PTPRO: variants seen among roughly 807,000 people sequenced by gnomAD.
PTPRO encodes receptor-type tyrosine-protein phosphatase O.
Under a neutral mutation model 145.2 loss-of-function variants are expected in PTPRO, and 62 were observed. The observed-to-expected ratio is 0.43, with a 90% CI of 0.35 to 0.53. The LOEUF is 0.53. Among genes scored for constraint, PTPRO ranks in the 20% least tolerant of loss-of-function variants. PTPRO has a pLI of 0.01. For missense variants in PTPRO, 1,345 were observed against 1,482.7 expected (o/e 0.91, Z 1.53); for synonymous variants, 565 against 514.7 (o/e 1.10, Z -1.32).
intron 11 of PTPRO, among the ~76,000 whole-genome samples, chr12:15,525,767 A>G (rs915197389): frequency 3.9e-5 from 6 of 152,216 alleles, no homozygotes; most frequent in African/African-American, 1.4e-4. Context: ...GTAGGAAGCC[A>G]CACGTCTACA....
rs751345733 is a variant in PTPRO at position 15,580,123 on chromosome 12, GA to G, written c.2997+18del. On this transcript the variant is annotated intron_variant, in intron 21 of 26. Coordinates refer to ENST00000281171, the MANE Select transcript of PTPRO (RefSeq NM_030667.3). The stretch of plus-strand genomic sequence containing the variant: ...AATGCCAACTATATTCCTGTAAGTA[GA>G]AAAAAAAAATCAGGCATCCCAAAGC... 9.9e-4 allele frequency: 1,508 copies of G among 1,529,900 alleles called. 5 individuals carry two copies. The African/African-American group carries it at 0.011, about 11-fold the overall frequency. The allele number at this position is 1,529,900 out of a possible 1,614,324, so 94.8% of individuals were successfully genotyped here.
intron 1 of PTPRO, among the ~76,000 whole-genome samples, chr12:15,426,701 A>G (rs900581787): frequency 4.6e-5 from 7 of 152,074 alleles, no homozygotes; most frequent in Admixed American, 3.9e-4. Flanking sequence ...TTTAAAAATT[A>G]TCTTCATTCT....
At chr12:15,546,301 A>C in intron 12 of PTPRO, 1 of 1,260,668 alleles carries the variant, frequency 7.9e-7, no homozygotes, top group Non-Finnish European at 1.0e-6. Context: ...CTATTAATAG[A>C]TTATGACTAT....
chr12:15,594,345 T>C (rs2135681119), intron 25 of PTPRO, among the ~76,000 whole-genome samples: 1 of 152,066 alleles, frequency 6.6e-6, no homozygotes, highest in East Asian at 1.9e-4. Flanking sequence ...TAATGGGATA[T>C]CCTTTTTTTT....
intron 2 of PTPRO, among the ~76,000 whole-genome samples, chr12:15,486,949 A>C (rs1941900717): frequency 6.6e-6 from 1 of 152,086 alleles, no homozygotes; most frequent in South Asian, 2.1e-4. Context: ...GCTGGGTTTA[A>C]GGTATTAGAC....
chr12:15,559,494 C>G (rs897622488), intron 16 of PTPRO, among the ~76,000 whole-genome samples: 2 of 152,154 alleles, frequency 1.3e-5, no homozygotes, highest in Non-Finnish European at 2.9e-5. Flanking sequence ...AATCAACAGT[C>G]TGAATTAGAA....
chr12:15,503,961 G>C lies in PTPRO; in HGVS notation c.1159G>C (p.Glu387Gln), dbSNP rs1942270854. Reference sequence around the variant, plus strand: ...TGAAGAAGCACATGAATTTGTTGCAGAACTGAAGGAACCTGGGAAATATAA... The same window carrying C: ...TGAAGAAGCACATGAATTTGTTGCACAACTGAAGGAACCTGGGAAATATAA... ...VDEEAHEFVA[E>Q]LKEPGKYKLS... The change falls in exon 6 of 27, where the codon GAA becomes CAA. Residue 387 changes from glutamate to glutamine, a missense_variant. By Grantham distance (29) the Glu-to-Gln change is conservative. This residue lies in a region of PTPRO where 1,130 missense variants were observed against 1,214.7 expected (regional missense o/e 0.93). Coordinates refer to ENST00000281171, the MANE Select transcript of PTPRO (RefSeq NM_030667.3). 2.5e-6 allele frequency: 4 copies of C among 1,596,260 alleles called. No individual in the cohort carries two copies. Among genetic ancestry groups the C allele is most frequent in the Non-Finnish European group, 3.4e-6 (4 of 1,164,044 alleles).
rs764916094 is a variant in PTPRO at position 15,546,559 on chromosome 12, CTT to C, written c.2165-8_2165-7del. 22 of 1,587,490 alleles carry C rather than the reference CTT, an allele frequency of 1.4e-5. 1 individual carries two copies. In the South Asian group the frequency reaches 2.4e-4, roughly 17 times the overall value. On this transcript the variant is annotated splice_polypyrimidine_tract_variant and splice_region_variant and intron_variant, in intron 12 of 26. Coordinates refer to ENST00000281171, the MANE Select transcript of PTPRO (RefSeq NM_030667.3). Reference sequence around the variant, plus strand: ...AATTAAATTTTTTTTAAAACTTTGTCTTTGCTCAGAACCAGCTCCACCCAAAT... The same window carrying C: ...AATTAAATTTTTTTTAAAACTTTGTCTGCTCAGAACCAGCTCCACCCAAAT...
intron 1 of PTPRO, among the ~76,000 whole-genome samples, chr12:15,444,726 G>T (rs182091279): frequency 6.6e-5 from 10 of 152,058 alleles, no homozygotes; most frequent in Non-Finnish European, 1.0e-4. Flanking sequence ...ACAGCAAAAT[G>T]ATGACCATCT....
intron 1 of PTPRO, among the ~76,000 whole-genome samples, chr12:15,328,355 A>G (rs984489547): frequency 6.6e-6 from 1 of 152,160 alleles, no homozygotes; most frequent in African/African-American, 2.4e-5. Context: ...TAATTCCCGA[A>G]TGAAAGATTT....
intron 12 of PTPRO, among the ~76,000 whole-genome samples, chr12:15,532,647 TCCTC>T (rs1257054450): frequency 6.6e-6 from 1 of 152,196 alleles, no homozygotes; most frequent in Admixed American, 6.5e-5. Context: ...AATCTGCTCT[TCCTC>T]CCTTGTGGTC....
intron 1 of PTPRO, among the ~76,000 whole-genome samples, chr12:15,406,174 A>C (rs961750410): frequency 1.3e-5 from 2 of 152,202 alleles, no homozygotes; most frequent in African/African-American, 4.8e-5. Flanking sequence ...ATACTTCACT[A>C]TCTCAGAGGA....
intron 7 of PTPRO, among the ~76,000 whole-genome samples, chr12:15,510,675 G>A (rs896009582): frequency 4.6e-5 from 7 of 152,184 alleles, no homozygotes. Context: ...GCAGGAAAGA[G>A]ACCACCATGC....
intron 1 of PTPRO, among the ~76,000 whole-genome samples, chr12:15,443,994 C>CA (rs35520232): frequency 0.11 from 15,709 of 144,800 alleles, 1,148 homozygotes; most frequent in African/African-American, 0.21. Context: ...GAGTATATAT[C>CA]AAAAAAAAAA....
At chr12:15,349,678 C>T (rs1022798406) in intron 1 of PTPRO, among the ~76,000 whole-genome samples, 2 of 152,072 alleles carry the variant, frequency 1.3e-5, no homozygotes, top group African/African-American at 4.8e-5. Flanking sequence ...AAGAAATACC[C>T]CACAAAAAGC....
At chr12:15,406,538 CTTTA>C (rs1353654255) in intron 1 of PTPRO, among the ~76,000 whole-genome samples, 6 of 152,058 alleles carry the variant, frequency 3.9e-5, no homozygotes, top group Admixed American at 6.6e-5. Context: ...GTTATAGCCC[CTTTA>C]TTTATTCAAT....
rs181255226 is a variant in PTPRO at position 15,554,154 on chromosome 12, A to C, written c.2558+2483A>C. ...TGCGCCATTGCACTCCAGCCTGGGC[A>C]ACAAGAGTGAAACTCCATCTCAAAA... On this transcript the variant is annotated intron_variant, in intron 15 of 26. Transcript: ENST00000281171. 7.0e-4 allele frequency among the ~76,000 whole-genome samples: 107 copies of C among 152,278 alleles called. 4 individuals are homozygous for C. Among genetic ancestry groups the C allele is most frequent in the Admixed American group, 6.9e-3 (105 of 15,292 alleles).
At chr12:15,519,893 G>A (rs1017193604) in intron 9 of PTPRO, among the ~76,000 whole-genome samples, 1 of 152,164 alleles carries the variant, frequency 6.6e-6, no homozygotes, top group Admixed American at 6.5e-5. Context: ...AGAAATGTAT[G>A]TACAGTCACT....
At chr12:15,500,516 T>C (rs1942198659) in intron 4 of PTPRO, among the ~76,000 whole-genome samples, 1 of 152,122 alleles carries the variant, frequency 6.6e-6, no homozygotes, top group African/African-American at 2.4e-5. Context: ...TGCTCAAAAA[T>C]TGGTACTCAT....
Sources: gnomAD v4.1 joint callset for allele counts (sites outside exome capture counted in the v4.1 genomes callset) on GRCh38, gnomAD v4.1.1 for gene constraint, gnomAD v4.1.1 regional missense constraint, MANE v1.5 for transcripts, NCBI Gene and HGNC (gene_info 2026-07-23, HGNC 2026-07-21) for gene names.